The following ZNF804B variants were observed in gnomAD, a reference collection of about 807,000 sequenced individuals.
ZNF804B encodes the protein zinc finger protein 804B, also known as zinc finger 804B.
In ZNF804B, 80 loss-of-function variants were observed where a neutral mutation model predicts 101.4. That is an observed-to-expected ratio of 0.79 (90% CI 0.66 to 0.95). ZNF804B has a LOEUF of 0.95. ZNF804B is among the 40% of genes least tolerant of loss of function. ZNF804B has a pLI of 0.00. For missense variants in ZNF804B, 1,673 were observed against 1,561.9 expected (o/e 1.07, Z -1.20); for synonymous variants, 622 against 558.8 (o/e 1.11, Z -1.59).
intron 2 of ZNF804B, among the ~76,000 whole-genome samples, chr7:89,266,232 A>G (rs916082489): frequency 2.0e-5 from 3 of 152,106 alleles, no homozygotes; most frequent in South Asian, 4.1e-4. Context: ...GCTATTTCTG[A>G]TATTACTAGT....
intron 1 of ZNF804B, among the ~76,000 whole-genome samples, chr7:89,149,330 CA>C (rs1790836434): frequency 6.6e-6 from 1 of 152,074 alleles, no homozygotes; most frequent in Admixed American, 6.6e-5. Context: ...AATAAAGGTA[CA>C]AAGCCTTGGT....
chr7:89,073,581 T>C (rs1789573799), intron 1 of ZNF804B, among the ~76,000 whole-genome samples: 1 of 152,168 alleles, frequency 6.6e-6, no homozygotes, highest in Non-Finnish European at 1.5e-5. Context: ...TCTTATTTTT[T>C]AAGAACTTTT....
At chr7:88,882,853 A>G (rs976273697) in intron 1 of ZNF804B, among the ~76,000 whole-genome samples, 4 of 152,028 alleles carry the variant, frequency 2.6e-5, no homozygotes, top group African/African-American at 9.7e-5. Context: ...TGGGGGGACT[A>G]TTACAGCGGG....
intron 2 of ZNF804B, among the ~76,000 whole-genome samples, chr7:89,277,963 C>T (rs1368024887): frequency 6.6e-6 from 1 of 152,110 alleles, no homozygotes; most frequent in Non-Finnish European, 1.5e-5. Context: ...TACAGTCCCA[C>T]CAACAGTGTA....
intron 1 of ZNF804B, among the ~76,000 whole-genome samples, chr7:89,154,745 C>T (rs573748703): frequency 6.6e-6 from 1 of 151,884 alleles, no homozygotes; most frequent in Non-Finnish European, 1.5e-5. Flanking sequence ...AGGGAAAAGT[C>T]GGGATGGTTA....
rs1162539789 is a variant in ZNF804B, at chr7:89,334,858, T to A, written c.1876T>A (p.Ser626Thr). 1.2e-6 allele frequency: 2 copies of A among 1,613,690 alleles called. No homozygotes were observed. The highest frequency in any genetic ancestry group is 3.3e-5 in the Admixed American group (2 of 59,890). Reference protein sequence around the residue: ...AVLNDIDEDLSFPSYISRFKK... With the variant: ...AVLNDIDEDLTFPSYISRFKK... ...TCTAAATGATATAGATGAGGACCTA[T>A]CTTTTCCTTCCTACATCTCTAGGTT... Residue 626 changes from serine to threonine, a missense_variant, in exon 4 of 4, where the codon TCT becomes ACT. Ser to Thr is a moderately conservative substitution (Grantham distance 58). Coordinates refer to ENST00000333190, the MANE Select transcript of ZNF804B (RefSeq NM_181646.5).
chr7:88,794,072 A>AT, intron 1 of ZNF804B: 2 of 796,370 alleles, frequency 2.5e-6, no homozygotes, highest in East Asian at 5.4e-5. Flanking sequence ...CTCTGTGTAT[A>AT]TTGCAATGTT....
intron 1 of ZNF804B, among the ~76,000 whole-genome samples, chr7:89,033,679 A>T (rs1412640008): frequency 1.3e-5 from 2 of 152,154 alleles, no homozygotes; most frequent in Admixed American, 1.3e-4. Flanking sequence ...AATTATGTAA[A>T]TACATTTTCA....
chr7:88,774,198 T>C (rs1181560074), intron 1 of ZNF804B, among the ~76,000 whole-genome samples: 1 of 134,342 alleles, frequency 7.4e-6, no homozygotes, highest in Non-Finnish European at 1.5e-5. Context: ...CTTTTGTTTT[T>C]TAAGTTTTTT....
chr7:88,765,527 C>G (rs755243989), intron 1 of ZNF804B, among the ~76,000 whole-genome samples: 1 of 151,986 alleles, frequency 6.6e-6, no homozygotes, highest in Non-Finnish European at 1.5e-5. Context: ...ATATATATCT[C>G]AAATAACTAT....
chr7:89,125,743 T>C (rs1790467403), intron 1 of ZNF804B, among the ~76,000 whole-genome samples: 1 of 152,114 alleles, frequency 6.6e-6, no homozygotes, highest in Non-Finnish European at 1.5e-5. Flanking sequence ...CAGTAGCCTG[T>C]CTATGCCTCC....
chr7:88,837,910 C>G (rs569502456), intron 1 of ZNF804B, among the ~76,000 whole-genome samples: 1 of 151,558 alleles, frequency 6.6e-6, no homozygotes, highest in African/African-American at 2.4e-5. Flanking sequence ...AATATATTTA[C>G]TTTCTACTAA....
intron 1 of ZNF804B, among the ~76,000 whole-genome samples, chr7:89,169,593 A>G (rs1168291189): frequency 6.6e-6 from 1 of 152,184 alleles, no homozygotes; most frequent in Non-Finnish European, 1.5e-5. Flanking sequence ...AAATCTTTCT[A>G]GATTTATACT....
intron 1 of ZNF804B, among the ~76,000 whole-genome samples, chr7:88,932,039 T>C (rs1584023814): frequency 6.6e-6 from 1 of 151,436 alleles, no homozygotes; most frequent in East Asian, 1.9e-4. Flanking sequence ...GAAAAGCATA[T>C]AAATGCATCT....
Position 88,760,921 on chromosome 7 carries a change from A to G in ZNF804B, c.108+837A>G, listed in dbSNP as rs1389027064. ...TAATAAATATATATATAATAAATAT[A>G]TATATAATAAATATATATATATATT... is the stretch of plus-strand genomic sequence containing the variant. On this transcript the variant is annotated intron_variant, in intron 1 of 3. Coordinates refer to ENST00000333190, the MANE Select transcript of ZNF804B (RefSeq NM_181646.5). 2.7e-5 allele frequency among the ~76,000 whole-genome samples: 4 copies of G among 146,928 alleles called. No individual in the cohort carries two copies. The East Asian group carries it at 7.8e-4, about 29-fold the overall frequency.
At chr7:89,189,768 G>T (rs1788427251) in intron 1 of ZNF804B, among the ~76,000 whole-genome samples, 1 of 151,926 alleles carries the variant, frequency 6.6e-6, no homozygotes, top group Admixed American at 6.6e-5. Context: ...CCAAATGGTT[G>T]GAATTCCTCA....
intron 1 of ZNF804B, among the ~76,000 whole-genome samples, chr7:89,154,964 C>T (rs2189072): frequency 0.52 from 79,287 of 151,604 alleles, 22,467 homozygotes; most frequent in African/African-American, 0.76. Flanking sequence ...TCCCATGATG[C>T]GATTATTACA....
intron 1 of ZNF804B, among the ~76,000 whole-genome samples, chr7:88,906,205 T>C (rs1792467550): frequency 6.6e-6 from 1 of 152,166 alleles, no homozygotes; most frequent in Non-Finnish European, 1.5e-5. Context: ...TTTGTTCTTT[T>C]GAAGAACTGT....
intron 1 of ZNF804B, among the ~76,000 whole-genome samples, chr7:88,863,240 C>T (rs2115861286): frequency 6.6e-6 from 1 of 152,304 alleles, no homozygotes; most frequent in Admixed American, 6.5e-5. Context: ...CGAACCCTAC[C>T]TCGGCTTCCT....
Sources: gnomAD v4.1 joint callset for allele counts (sites outside exome capture counted in the v4.1 genomes callset) on GRCh38, gnomAD v4.1.1 for gene constraint, MANE v1.5 for transcripts, NCBI Gene and HGNC (gene_info 2026-07-23, HGNC 2026-07-21) for gene names.